Variants in UGT1A9 observed in about 807,000 individuals in gnomAD.
UGT1A9 encodes the protein UDP glucuronosyltransferase family 1 member A9.
In UGT1A9, 35 loss-of-function variants were observed where a neutral mutation model predicts 45.0. That is an observed-to-expected ratio of 0.78 (90% confidence interval 0.59 to 1.03). The LOEUF (loss-of-function observed/expected upper bound fraction) is 1.03. Ranked by LOEUF, UGT1A9 falls within the 50% of genes least tolerant of loss-of-function variation. The pLI is 0.00. For missense variants in UGT1A9, 687 were observed against 666.6 expected (o/e 1.03, Z -0.34); for synonymous variants, 278 against 250.6 (o/e 1.11, Z -1.03).
Position 233,672,482 on chromosome 2 carries a change from G to A in UGT1A9, c.548G>A (p.Cys183Tyr), listed in dbSNP as rs746547264. The change falls in exon 1 of 5, where the codon TGC becomes TAC. Residue 183 changes from cysteine to tyrosine, a missense_variant. Coordinates refer to ENST00000354728, the MANE Select transcript of UGT1A9 (RefSeq NM_021027.3). ...LCHYLEEGAQ[C>Y]PAPLSYVPRI... ...CACTATCTTGAAGAAGGTGCACAGT[G>A]CCCTGCTCCTCTTTCCTATGTCCCC... 1.2e-6 allele frequency: 2 copies of A among 1,613,912 alleles called. No individual in the cohort carries two copies. The highest frequency in any genetic ancestry group is 3.3e-5 in the Admixed American group (2 of 60,008).
intron 1 of UGT1A9, among the ~76,000 whole-genome samples, chr2:233,766,079 G>A (rs1159217409): frequency 1.3e-5 from 2 of 152,140 alleles, no homozygotes; most frequent in East Asian, 1.9e-4. Flanking sequence ...CTACCTTGTC[G>A]CAAGGACAGA....
intron 1 of UGT1A9, among the ~76,000 whole-genome samples, chr2:233,750,227 A>C (rs977533582): frequency 6.6e-6 from 1 of 151,900 alleles, no homozygotes; most frequent in Admixed American, 6.5e-5. Flanking sequence ...GAGATGAGGA[A>C]CTTATTGGGA....
intron 1 of UGT1A9, among the ~76,000 whole-genome samples, chr2:233,717,043 C>A (rs2076542860): frequency 6.6e-6 from 1 of 152,158 alleles, no homozygotes; most frequent in Non-Finnish European, 1.5e-5. Context: ...ATACATGGGC[C>A]TCCGCAGGGT....
chr2:233,743,662 G>T (rs34622615), intron 1 of UGT1A9: 40,924 of 1,367,182 alleles, frequency 0.03, 778 homozygotes, highest in African/African-American at 0.053. Flanking sequence ...ACTCGAAGGG[G>T]TCCTCGAAGG....
chr2:233,756,036 T>G (rs1696097976), intron 1 of UGT1A9: 1 of 152,224 alleles, frequency 6.6e-6, no homozygotes, highest in Non-Finnish European at 1.5e-5. Context: ...CCATGTAGCT[T>G]CTGGAAAACT....
At chr2:233,703,689 C>A (rs1367927278) in intron 1 of UGT1A9, among the ~76,000 whole-genome samples, 1 of 152,028 alleles carries the variant, frequency 6.6e-6, no homozygotes, top group Middle Eastern at 3.2e-3. Context: ...TTTTTTTCCA[C>A]CATTTAACTT....
At position 233,747,983 on chromosome 2, in the gene UGT1A9, C is replaced by G. The variant is rs539831908; in HGVS notation, c.856-19051C>G. ...TCAGCCATGCATCTGTGTGGCTGTT[C>G]CGAGGGGACTTTGTGATGGATTACC... On this transcript the variant is annotated intron_variant, in intron 1 of 4. Transcript: ENST00000354728. The G allele has an allele frequency of 4.2e-5, 67 of 1,613,418 alleles. 2 individuals are homozygous for G. In the African/African-American group the frequency reaches 7.6e-4, roughly 18 times the overall value.
At chr2:233,718,748 A>G in intron 1 of UGT1A9, 1 of 1,612,266 alleles carries the variant, frequency 6.2e-7, no homozygotes, top group South Asian at 1.1e-5. Context: ...TGACAAGGTA[A>G]TTAAGGCGAA....
chr2:233,729,557 C>G lies in UGT1A9; in HGVS notation c.856-37477C>G, dbSNP rs13406898. 29 of 1,614,152 alleles carry G rather than the reference C, an allele frequency of 1.8e-5. No individual in the cohort carries two copies. The South Asian group carries it at 3.0e-4, about 16-fold the overall frequency. On this transcript the variant is annotated intron_variant, in intron 1 of 4. Transcript: ENST00000354728. ...GCCCTGATCAGGCACCTGAATGCTA[C>G]TTCCTTTGATGTGGTTTTAACAGAC...
Position 233,730,113 on chromosome 2 carries a change from C to G in UGT1A9, c.856-36921C>G. 5 of 1,563,498 alleles carry G rather than the reference C, an allele frequency of 3.2e-6. No individual in the cohort carries two copies. The South Asian group carries it at 5.9e-5, about 18-fold the overall frequency. ...TTCCAAATATTTCATTTCTGCTTCT[C>G]CTTGTCATAATAGCCTTCAGTGAGA... is the stretch of plus-strand genomic sequence containing the variant. On this transcript the variant is annotated intron_variant, in intron 1 of 4. Coordinates refer to ENST00000354728, the MANE Select transcript of UGT1A9 (RefSeq NM_021027.3).
rs1133495 is a variant in UGT1A9 at position 233,754,558 on chromosome 2, G to C, written c.856-12476G>C. On this transcript the variant is annotated intron_variant, in intron 1 of 4. Transcript: ENST00000354728. The stretch of plus-strand genomic sequence containing the variant: ...GGACTGGAATTACTTGGTGTCAATG[G>C]GGAGCAACTGCTCTATGCCGTTTAT... The C allele has an allele frequency of 1.8e-5, 7 of 391,006 alleles. No homozygotes were observed. In the East Asian group the frequency reaches 2.9e-4, roughly 16 times the overall value. The allele number at this position is 391,006 out of a possible 1,614,324, so 24.2% of individuals were successfully genotyped here. A position where few individuals can be genotyped will look rare whatever the true frequency, so the allele number is the denominator to read the frequency against.
intron 1 of UGT1A9, chr2:233,682,366 T>C (rs183302274): frequency 2.2e-4 from 357 of 1,614,102 alleles, no homozygotes; most frequent in Admixed American, 6.5e-4. Flanking sequence ...GTTGTTTTGA[T>C]GCAGTGTTTC....
rs769533948 is a variant in UGT1A9 at position 233,672,042 on chromosome 2, C to T, written c.108C>T (p.Ser36=). 14 of 1,614,160 alleles carry T rather than the reference C, an allele frequency of 8.7e-6. No homozygotes were observed. Among genetic ancestry groups the T allele is most frequent in the Non-Finnish European group, 1.2e-5 (14 of 1,180,018 alleles). The change falls in exon 1 of 5, where the codon AGC becomes AGT. Residue 36 remains serine, a synonymous_variant. Transcript: ENST00000354728. ...TACTGGTAGTGCCCATGGATGGGAG[C>T]CACTGGTTCACCATGAGGTCGGTGG... ...GKLLVVPMDG[S]HWFTMRSVVE...
intron 1 of UGT1A9, among the ~76,000 whole-genome samples, chr2:233,707,198 T>C (rs2075948022): frequency 1.3e-5 from 2 of 152,230 alleles, no homozygotes; most frequent in African/African-American, 4.8e-5. Context: ...CTCCGTTCTA[T>C]TCCCTTTCCA....
At chr2:233,733,568 T>G (rs1265676895) in intron 1 of UGT1A9, among the ~76,000 whole-genome samples, 1 of 152,248 alleles carries the variant, frequency 6.6e-6, no homozygotes, top group Non-Finnish European at 1.5e-5. Flanking sequence ...GAAATAATCA[T>G]GTGGTTTGTC....
intron 1 of UGT1A9, among the ~76,000 whole-genome samples, chr2:233,759,944 G>C (rs1242141869): frequency 6.6e-6 from 1 of 152,160 alleles, no homozygotes; most frequent in African/African-American, 2.4e-5. Context: ...AGCCTAACTT[G>C]TTCACTACAT....
chr2:233,733,760 A>C (rs2078435116), intron 1 of UGT1A9, among the ~76,000 whole-genome samples: 1 of 152,132 alleles, frequency 6.6e-6, no homozygotes, highest in Non-Finnish European at 1.5e-5. Flanking sequence ...ATTTGTCTAA[A>C]ATTTTCTTTT....
chr2:233,681,395 A>G (rs4530361), intron 1 of UGT1A9, among the ~76,000 whole-genome samples: 51,553 of 151,486 alleles, frequency 0.34, 9,174 homozygotes, highest in South Asian at 0.41. Flanking sequence ...TTAGCTGGGC[A>G]TGGCAGCGTG....
At chr2:233,754,930 G>C (rs1387383656) in intron 1 of UGT1A9, 3 of 1,344,668 alleles carry the variant, frequency 2.2e-6, no homozygotes, top group Non-Finnish European at 2.0e-6. Context: ...TTTCCCAAGA[G>C]GTCAAAGGAG....
Sources: gnomAD v4.1 joint callset for allele counts (sites outside exome capture counted in the v4.1 genomes callset) on GRCh38, gnomAD v4.1.1 for gene constraint, MANE v1.5 for transcripts, NCBI Gene and HGNC (gene_info 2026-07-23, HGNC 2026-07-21) for gene names.